Variants in SLC8A1 observed in about 807,000 individuals in gnomAD.
The protein encoded by SLC8A1 is sodium/calcium exchanger 1.
A neutral mutation model predicts 68.3 loss-of-function variants in SLC8A1; 18 were observed. The ratio of observed to expected loss-of-function variants is 0.26; its 90% CI spans 0.18 to 0.39. The LOEUF (loss-of-function observed/expected upper bound fraction) is 0.39, where lower values mean the gene tolerates loss of function less well. Among genes scored for constraint, SLC8A1 ranks in the 10% least tolerant of loss-of-function variants. The pLI, the probability that SLC8A1 is intolerant of heterozygous loss-of-function variation, is 1.00. For synonymous variants in SLC8A1, 475 were observed against 415.5 expected (o/e 1.14, Z -1.74); for missense variants, 985 against 1,156.7 (o/e 0.85, Z 2.15).
chr2:40,392,703 T>G (rs1424267606), intron 2 of SLC8A1, among the ~76,000 whole-genome samples: 1 of 152,050 alleles, frequency 6.6e-6, no homozygotes, highest in African/African-American at 2.4e-5. Context: ...CATTCCCTCT[T>G]GTTTGTTAGT....
At chr2:40,261,458 T>C (rs1252050896) in intron 2 of SLC8A1, among the ~76,000 whole-genome samples, 1 of 152,232 alleles carries the variant, frequency 6.6e-6, no homozygotes, top group African/African-American at 2.4e-5. Context: ...TCTACTGAGG[T>C]TGAAAATCTC....
intron 7 of SLC8A1, among the ~76,000 whole-genome samples, chr2:40,127,388 G>T (rs1040339605): frequency 3.3e-5 from 5 of 152,154 alleles, no homozygotes; most frequent in African/African-American, 1.2e-4. Flanking sequence ...CCAAGTGCTG[G>T]TTCCCCTTGA....
chr2:40,327,508 C>G (rs567353367), intron 2 of SLC8A1, among the ~76,000 whole-genome samples: 1 of 152,254 alleles, frequency 6.6e-6, no homozygotes, highest in Non-Finnish European at 1.5e-5. Flanking sequence ...TTCTGCAAAT[C>G]ACTTTGCTAG....
chr2:40,168,391 A>G (rs544081789), intron 4 of SLC8A1, among the ~76,000 whole-genome samples: 1 of 152,300 alleles, frequency 6.6e-6, no homozygotes, highest in African/African-American at 2.4e-5. Context: ...GCAGAGAGAA[A>G]TCAAAGTACA....
At chr2:40,170,305 G>C (rs377746540) in intron 4 of SLC8A1, 6 of 1,614,108 alleles carry the variant, frequency 3.7e-6, no homozygotes, top group Non-Finnish European at 5.1e-6. Context: ...ACAGTAGAGA[G>C]AATCGGATGT....
intron 6 of SLC8A1, among the ~76,000 whole-genome samples, chr2:40,149,346 G>A (rs897582525): frequency 6.6e-6 from 1 of 152,192 alleles, no homozygotes; most frequent in Non-Finnish European, 1.5e-5. Flanking sequence ...GGCAAGGGGA[G>A]ATAGTAATCA....
intron 2 of SLC8A1, among the ~76,000 whole-genome samples, chr2:40,212,153 C>A (rs919796457): frequency 3.5e-4 from 53 of 151,764 alleles, no homozygotes; most frequent in African/African-American, 1.3e-3. Context: ...TCAATATGGC[C>A]CAGAGAGAGA....
chr2:40,244,832 A>G (rs975382226), intron 2 of SLC8A1, among the ~76,000 whole-genome samples: 14 of 152,164 alleles, frequency 9.2e-5, no homozygotes, highest in African/African-American at 3.4e-4. Context: ...CTTCCTCCCG[A>G]GGAAAGGGTT....
intron 2 of SLC8A1, among the ~76,000 whole-genome samples, chr2:40,405,236 C>T (rs943069017): frequency 4.6e-5 from 7 of 152,174 alleles, no homozygotes; most frequent in Non-Finnish European, 8.8e-5. Flanking sequence ...TTCTTATTAC[C>T]GAGTGGAGAA....
At chr2:40,362,603 T>G (rs1674938798) in intron 2 of SLC8A1, among the ~76,000 whole-genome samples, 1 of 152,150 alleles carries the variant, frequency 6.6e-6, no homozygotes, top group South Asian at 2.1e-4. Context: ...ACAATTACAG[T>G]TGCAAATCAA....
chr2:40,119,657 AACTTTT>A (rs2036330793), intron 7 of SLC8A1, among the ~76,000 whole-genome samples: 1 of 152,232 alleles, frequency 6.6e-6, no homozygotes, highest in Non-Finnish European at 1.5e-5. Context: ...ATTAGATAAA[AACTTTT>A]ATATATGGAT....
At chr2:40,264,686 T>C (rs568288681) in intron 2 of SLC8A1, among the ~76,000 whole-genome samples, 29 of 152,158 alleles carry the variant, frequency 1.9e-4, no homozygotes, top group African/African-American at 7.0e-4. Flanking sequence ...AACATCACAC[T>C]CTGAGGACTG....
exon 8 of SLC8A1, chr2:40,107,644 G>C (rs2125044036): frequency 6.6e-6 from 1 of 152,230 alleles, no homozygotes; most frequent in African/African-American, 2.4e-5. Flanking sequence ...TAGCTAAAAA[G>C]GGGGGAGGTC....
chr2:40,240,013 G>A (rs1022056671), intron 2 of SLC8A1, among the ~76,000 whole-genome samples: 18 of 152,130 alleles, frequency 1.2e-4, no homozygotes, highest in African/African-American at 3.9e-4. Flanking sequence ...TCATAATGAA[G>A]CCAACTGTGA....
chr2:40,388,901 C>G (rs2041762), intron 2 of SLC8A1, among the ~76,000 whole-genome samples: 56,660 of 152,020 alleles, frequency 0.37, 11,668 homozygotes, highest in Non-Finnish European at 0.46. Context: ...TGCTTAAGAC[C>G]TTGAGCCTGC....
At chr2:40,447,440 T>C (rs1036111970) in intron 1 of SLC8A1, among the ~76,000 whole-genome samples, 1 of 152,008 alleles carries the variant, frequency 6.6e-6, no homozygotes, top group African/African-American at 2.4e-5. Flanking sequence ...GGCACTCACA[T>C]CGCCCCAAAC....
intron 2 of SLC8A1, among the ~76,000 whole-genome samples, chr2:40,360,295 C>T (rs1453122189): frequency 6.6e-6 from 1 of 152,140 alleles, no homozygotes; most frequent in Non-Finnish European, 1.5e-5. Context: ...GCCAACCTTG[C>T]TTATCTAAAT....
intron 2 of SLC8A1, among the ~76,000 whole-genome samples, chr2:40,390,272 T>C (rs781712161): frequency 1.3e-5 from 2 of 152,128 alleles, no homozygotes; most frequent in Non-Finnish European, 1.5e-5. Context: ...CAGCTTGCAA[T>C]TGTCACTTGG....
intron 2 of SLC8A1, among the ~76,000 whole-genome samples, chr2:40,224,553 T>C (rs1489987212): frequency 1.3e-5 from 2 of 152,128 alleles, no homozygotes; most frequent in African/African-American, 4.8e-5. Flanking sequence ...ACCATGGCTG[T>C]GCAGCTCCAT....
Sources: gnomAD v4.1 joint callset for allele counts (sites outside exome capture counted in the v4.1 genomes callset) on GRCh38, gnomAD v4.1.1 for gene constraint, MANE v1.5 for transcripts, NCBI Gene and HGNC (gene_info 2026-07-23, HGNC 2026-07-21) for gene names.